Variants in DPYSL2 observed in about 807,000 individuals in gnomAD.
DPYSL2 encodes the protein dihydropyrimidinase like 2.
A neutral mutation model predicts 69.9 loss-of-function variants in DPYSL2; 13 were observed. The ratio of observed to expected loss-of-function variants is 0.19; its 90% CI spans 0.12 to 0.30. The LOEUF (loss-of-function observed/expected upper bound fraction) is 0.30, where lower values mean the gene tolerates loss of function less well. Ranked by LOEUF, DPYSL2 falls within the 10% of genes least tolerant of loss-of-function variation. The probability of loss-of-function intolerance (pLI) is 1.00; values close to 1 mark genes in which losing one functional copy is unlikely to be tolerated. For missense variants in DPYSL2, 587 were observed against 918.9 expected (o/e 0.64, Z 4.67); for synonymous variants, 326 against 359.1 (o/e 0.91, Z 1.04).
chr8:26,649,711 C>G (rs1163887545), intron 11 of DPYSL2, among the ~76,000 whole-genome samples: 1 of 152,256 alleles, frequency 6.6e-6, no homozygotes, highest in Non-Finnish European at 1.5e-5. Context: ...CTATTATCGA[C>G]AGCCCTGTTG....
intron 3 of DPYSL2, among the ~76,000 whole-genome samples, chr8:26,608,347 A>T (rs1802153226): frequency 6.6e-6 from 1 of 151,920 alleles, no homozygotes. Context: ...GGAAGATTTT[A>T]TTTTTTTTCT....
In DPYSL2 at chr8:26,648,538, A is replaced by G. The variant is rs910067039; in HGVS notation, c.1596+738A>G. On this transcript the variant is annotated intron_variant, in intron 11 of 13. Coordinates refer to ENST00000521913, the MANE Select transcript of DPYSL2 (RefSeq NM_001197293.3). The surrounding 1 kb of genome is among the most constrained non-coding windows in gnomAD (Gnocchi z 4.3). ...CAGACATTAAGCAGAGTTGTTAGACACTGCCGATTCCTCACAAGCAACATG... is the reference window on the plus strand; with the variant it reads ...CAGACATTAAGCAGAGTTGTTAGACGCTGCCGATTCCTCACAAGCAACATG... Among the ~76,000 whole-genome samples, 1 of 152,212 alleles carries G rather than the reference A, an allele frequency of 6.6e-6. No individual in the cohort carries two copies. Among genetic ancestry groups the G allele is most frequent in the Non-Finnish European group, 1.5e-5 (1 of 68,044 alleles).
chr8:26,546,465 T>C (rs11787292), intron 1 of DPYSL2, among the ~76,000 whole-genome samples: 10 of 152,252 alleles, frequency 6.6e-5, no homozygotes, highest in African/African-American at 2.4e-4. Context: ...TTTTGGTGTA[T>C]ATCTTTCTAG....
In DPYSL2 at chr8:26,641,480, A is replaced by G. The variant is rs914418045; in HGVS notation, c.1127-1959A>G. Among the ~76,000 whole-genome samples, 5 of 152,224 alleles carry G rather than the reference A, an allele frequency of 3.3e-5. No homozygotes were observed. The highest frequency in any genetic ancestry group is 7.2e-5 in the African/African-American group (3 of 41,458). On this transcript the variant is annotated intron_variant, in intron 8 of 13. Coordinates refer to ENST00000521913, the MANE Select transcript of DPYSL2 (RefSeq NM_001197293.3). The surrounding 1 kb of genome is among the most constrained non-coding windows in gnomAD (Gnocchi z 4.1). ...AGCCAGAGAGATCCTTTGAGAACTGATGACTGCTGCTGGGTCCTGCCCAGC... is the reference window on the plus strand; with the variant it reads ...AGCCAGAGAGATCCTTTGAGAACTGGTGACTGCTGCTGGGTCCTGCCCAGC...
At chr8:26,559,698 GTTTC>G (rs1468542611) in intron 1 of DPYSL2, among the ~76,000 whole-genome samples, 1 of 152,130 alleles carries the variant, frequency 6.6e-6, no homozygotes, top group African/African-American at 2.4e-5. Context: ...TCAAATATTT[GTTTC>G]TTAATTTATC....
At chr8:26,578,555 ATCTT>A (rs1226454599) in intron 1 of DPYSL2, 3 of 1,381,286 alleles carry the variant, frequency 2.2e-6, no homozygotes, top group South Asian at 1.6e-5. Flanking sequence ...GACCCGGTCT[ATCTT>A]TTATTGTCAG....
chr8:26,553,921 C>T (rs1211408422), intron 1 of DPYSL2, among the ~76,000 whole-genome samples: 4 of 101,800 alleles, frequency 3.9e-5, no homozygotes, highest in Admixed American at 2.8e-4. Context: ...TTTTTTGAGA[C>T]GGAGTCTCAC....
At chr8:26,542,400 T>G (rs1333536692) in intron 1 of DPYSL2, among the ~76,000 whole-genome samples, 1 of 36,188 alleles carries the variant, frequency 2.8e-5, no homozygotes, top group Non-Finnish European at 5.1e-5. Context: ...TGTTTCCAGG[T>G]TTTTAAAAAT....
rs993717956 is a variant in DPYSL2 at position 26,605,223 on chromosome 8, T to C, written c.629-18920T>C. 1.3e-5 allele frequency among the ~76,000 whole-genome samples: 2 copies of C among 152,002 alleles called. No homozygotes were observed. ...CCAGAATACATGTTATCACTACTGT[T>C]TAACATGGTTCCGGATATGTTAGCC... On this transcript the variant is annotated intron_variant, in intron 3 of 13. Coordinates refer to ENST00000521913, the MANE Select transcript of DPYSL2 (RefSeq NM_001197293.3). This position sits in a 1 kb window ranked among gnomAD's most constrained non-coding sequence, Gnocchi z 4.1.
rs977969379 is a variant in DPYSL2 at position 26,614,414 on chromosome 8, G to A, written c.629-9729G>A. Among the ~76,000 whole-genome samples, 3 of 152,174 alleles carry A rather than the reference G, an allele frequency of 2.0e-5. No individual in the cohort carries two copies. The highest frequency in any genetic ancestry group is 4.4e-5 in the Non-Finnish European group (3 of 68,032). ...TGAGAAGAGAGGGGTGGGGACAGGC[G>A]GTAGCTGGAGGGTCCTTCAGGATCA... On this transcript the variant is annotated intron_variant, in intron 3 of 13. Transcript: ENST00000521913. This position sits in a 1 kb window ranked among gnomAD's most constrained non-coding sequence, Gnocchi z 4.9.
chr8:26,548,247 C>T (rs748608000), intron 1 of DPYSL2: 22 of 200,702 alleles, frequency 1.1e-4, no homozygotes, highest in Non-Finnish European at 2.2e-4. Context: ...TGGATTATTA[C>T]CAGGCCTTGG....
At chr8:26,576,617 G>T (rs773867836) in intron 1 of DPYSL2, among the ~76,000 whole-genome samples, 1 of 152,214 alleles carries the variant, frequency 6.6e-6, no homozygotes, top group Non-Finnish European at 1.5e-5. Context: ...TCCCAGGCCT[G>T]CTCAATTGCT....
chr8:26,523,903 T>G (rs1220685809), intron 1 of DPYSL2, among the ~76,000 whole-genome samples: 2 of 152,212 alleles, frequency 1.3e-5, no homozygotes, highest in East Asian at 3.9e-4. Flanking sequence ...GACCACATTT[T>G]GTTTATTTGT....
intron 1 of DPYSL2, among the ~76,000 whole-genome samples, chr8:26,537,611 T>TCTACACACACACACACACACACAC (rs141281802): frequency 6.8e-6 from 1 of 147,546 alleles, no homozygotes; most frequent in East Asian, 2.0e-4. Context: ...ATTCTCTCTC[T>TCTACACACACACACACACACACAC]ACACACACAC....
intron 1 of DPYSL2, among the ~76,000 whole-genome samples, chr8:26,523,523 T>C (rs2117602687): frequency 6.6e-6 from 1 of 152,334 alleles, no homozygotes; most frequent in East Asian, 1.9e-4. Flanking sequence ...TGTGTCTCTG[T>C]GAATTTGACT....
chr8:26,592,726 C>T (rs895587777), intron 3 of DPYSL2, among the ~76,000 whole-genome samples: 22 of 152,206 alleles, frequency 1.4e-4, no homozygotes, highest in African/African-American at 5.3e-4. Flanking sequence ...ATCCACCCGC[C>T]TCGGCCTCCC....
At chr8:26,594,522 G>T (rs1029384865) in intron 3 of DPYSL2, among the ~76,000 whole-genome samples, 33 of 151,480 alleles carry the variant, frequency 2.2e-4, no homozygotes, top group African/African-American at 7.3e-4. Flanking sequence ...ATATCTATCT[G>T]GTCTATATCT....
intron 1 of DPYSL2, chr8:26,577,993 TTCTC>T (rs756432252): frequency 0.022 from 20,519 of 953,922 alleles, 1 homozygote; most frequent in East Asian, 0.082. Flanking sequence ...CTCTCTCTCC[TTCTC>T]TCTCTCTCTC....
At chr8:26,578,876 C>T (rs892569287) in intron 1 of DPYSL2, among the ~76,000 whole-genome samples, 19 of 152,116 alleles carry the variant, frequency 1.2e-4, no homozygotes, top group Non-Finnish European at 8.8e-5. Flanking sequence ...GAAGGAAAAA[C>T]AGGGACGAGG....
Sources: gnomAD v4.1 joint callset for allele counts (sites outside exome capture counted in the v4.1 genomes callset) on GRCh38, gnomAD v4.1.1 for gene constraint, Gnocchi (gnomAD v3.1) non-coding constraint, MANE v1.5 for transcripts, NCBI Gene and HGNC (gene_info 2026-07-23, HGNC 2026-07-21) for gene names.